The following CKAP2L variants were observed in gnomAD, a reference collection of about 807,000 sequenced individuals.
The protein encoded by CKAP2L is cytoskeleton-associated protein 2-like.
Under a neutral mutation model 65.7 loss-of-function variants are expected in CKAP2L, and 42 were observed. The ratio of observed to expected loss-of-function variants is 0.64; its 90% CI spans 0.50 to 0.83. The LOEUF (loss-of-function observed/expected upper bound fraction) is 0.83. Among genes scored for constraint, CKAP2L ranks in the 40% least tolerant of loss-of-function variants. The pLI, the probability that CKAP2L is intolerant of heterozygous loss-of-function variation, is 0.00. For missense variants in CKAP2L, 908 were observed against 871.0 expected (o/e 1.04, Z -0.53); for synonymous variants, 325 against 313.5 (o/e 1.04, Z -0.39).
Position 112,756,271 on chromosome 2 carries a change from C to T in CKAP2L, c.1100G>A (p.Cys367Tyr). ...SSQVCIPQTS[C>Y]VLQKSKAISQ... Reference sequence around the variant, plus strand: ...TATGGCTTTTGACTTTTGCAGTACACATGATGTCTGAGGTATACAAACTTG... The same window carrying T: ...TATGGCTTTTGACTTTTGCAGTACATATGATGTCTGAGGTATACAAACTTG... The change falls in exon 4 of 9, where the codon TGT (cysteine) becomes TAT (tyrosine). Residue 367 changes from cysteine to tyrosine, a missense_variant. By Grantham distance (194) the Cys-to-Tyr change is radical (BLOSUM62 -2). Transcript: ENST00000302450. 2 of 1,614,112 alleles carry T rather than the reference C, an allele frequency of 1.2e-6. No individual in the cohort carries two copies. The highest frequency in any genetic ancestry group is 2.2e-5 in the East Asian group (1 of 44,886).
chr2:112,761,384 C>G (rs1341568821), intron 2 of CKAP2L, among the ~76,000 whole-genome samples: 1 of 144,936 alleles, frequency 6.9e-6, no homozygotes, highest in Non-Finnish European at 1.5e-5. Flanking sequence ...TGGCGTGAAA[C>G]TGGGAGGCAG....
At chr2:112,763,385 G>A (rs1307985512) in intron 1 of CKAP2L, among the ~76,000 whole-genome samples, 1 of 151,994 alleles carries the variant, frequency 6.6e-6, no homozygotes. Flanking sequence ...GGCTTCCTTT[G>A]TTGGTACTAA....
At position 112,742,771 on chromosome 2, in the gene CKAP2L, T is replaced by TGGAA. The variant is rs745636964; in HGVS notation, c.1759-6_1759-3dup. ...AACTTTCCGCAACTCTTGTATTGGC[T>TGGAA]GGAAGGAAGGAAGAAAACATACAAA... On this transcript the variant is annotated splice_polypyrimidine_tract_variant and splice_region_variant and intron_variant, in intron 6 of 8. Coordinates refer to ENST00000302450, the MANE Select transcript of CKAP2L (RefSeq NM_152515.5). 1.7e-5 allele frequency: 28 copies of TGGAA among 1,603,188 alleles called. No individual in the cohort carries two copies. The highest frequency in any genetic ancestry group is 3.5e-5 in the Admixed American group (2 of 57,966).
chr2:112,737,539 T>G lies in CKAP2L; in HGVS notation c.*1284A>C, dbSNP rs1679381362. The G allele has an allele frequency of 6.6e-6, 1 of 152,224 alleles. No homozygotes were observed. 9.4% of individuals were successfully genotyped at this position (152,224 alleles called of 1,614,324 possible). On this transcript the variant is annotated 3_prime_UTR_variant, in exon 9 of 9. Coordinates refer to ENST00000302450, the MANE Select transcript of CKAP2L (RefSeq NM_152515.5). ...TTCTTATGTCTTCTTTGGAGAAATG[T>G]CTGCTCAGGTCCTTTGCCCATTTTT... is the stretch of plus-strand genomic sequence containing the variant.
At chr2:112,746,265 G>A (rs1680197413) in intron 6 of CKAP2L, among the ~76,000 whole-genome samples, 155 bp downstream of exon 6, 1 of 152,096 alleles carries the variant, frequency 6.6e-6, no homozygotes, top group Admixed American at 6.5e-5. Context: ...GACGTATTGG[G>A]TTTAATATAT....
chr2:112,750,312 G>A (rs1188436598), intron 5 of CKAP2L, among the ~76,000 whole-genome samples: 1 of 152,290 alleles, frequency 6.6e-6, no homozygotes, highest in Non-Finnish European at 1.5e-5. Flanking sequence ...GGCTTACCGC[G>A]TGCTTTCACA....
chr2:112,746,991 G>A lies in CKAP2L; in HGVS notation c.1603-416C>T, dbSNP rs547471205. ...TTTTTAGTAGAGATGGGGTTTCACCGTGTTAGCCAGGATGGTCTTGATCTC... is the reference window on the plus strand; with the variant it reads ...TTTTTAGTAGAGATGGGGTTTCACCATGTTAGCCAGGATGGTCTTGATCTC... On this transcript the variant is annotated intron_variant, in intron 5 of 8. Transcript: ENST00000302450. Among the ~76,000 whole-genome samples the A allele has an allele frequency of 2.0e-5, 3 of 152,022 alleles. No homozygotes were observed. The South Asian group carries it at 6.2e-4, about 32-fold the overall frequency.
intron 7 of CKAP2L, 69 bp from the exon 8 acceptor site, chr2:112,741,076 A>G: frequency 2.0e-6 from 2 of 998,310 alleles, no homozygotes; most frequent in Non-Finnish European, 3.1e-6. Flanking sequence ...AGTCAATAAC[A>G]TGAAAAATAC....
Position 112,756,636 on chromosome 2 carries a change from A to G in CKAP2L, c.735T>C (p.Phe245=), listed in dbSNP as rs1161939379. 1 of 1,610,664 alleles carries G rather than the reference A, an allele frequency of 6.2e-7. No individual in the cohort carries two copies. The highest frequency in any genetic ancestry group is 1.3e-5 in the African/African-American group (1 of 74,698). ...AVLKDRVNKQ[F]VGETQSRTFP... Reference sequence around the variant, plus strand: ...AAGTCCTGCTTTGTGTTTCTCCAACAAATTGTTTATTAACCCTATCTTTCA... The same window carrying G: ...AAGTCCTGCTTTGTGTTTCTCCAACGAATTGTTTATTAACCCTATCTTTCA... Residue 245 remains phenylalanine (F), a synonymous_variant, in exon 4 of 9, where the codon TTT becomes TTC. Transcript: ENST00000302450.
At chr2:112,746,229 C>T (rs937811051) in intron 6 of CKAP2L, among the ~76,000 whole-genome samples, 191 bp downstream of exon 6, 16 of 151,932 alleles carry the variant, frequency 1.1e-4, no homozygotes, top group Non-Finnish European at 1.8e-4. Flanking sequence ...CATGCAATGG[C>T]TCTGAATTAT....
At position 112,756,355 on chromosome 2, in the gene CKAP2L, A is replaced by G. The variant is rs772838057; in HGVS notation, c.1016T>C (p.Leu339Ser). ...TCTGTTGTTATATTCACCCTGAAGC[A>G]AACTGGGGTATGTTCTGGGTTTGGT... is the stretch of plus-strand genomic sequence containing the variant. ...KHTKPRTYPS[L>S]LQGEYNNRHP... Residue 339 changes from leucine (L) to serine (S), a missense_variant, in exon 4 of 9, where the codon TTG becomes TCG. Physicochemically the swap from Leu to Ser is moderately radical, Grantham distance 145. Coordinates refer to ENST00000302450, the MANE Select transcript of CKAP2L (RefSeq NM_152515.5). The G allele has an allele frequency of 5.6e-6, 9 of 1,613,554 alleles. No individual in the cohort carries two copies. The highest frequency in any genetic ancestry group is 1.6e-4 in the Middle Eastern group (1 of 6,082).
At chr2:112,753,526 CTTTTTTTTTTTTTTTTTT>C (rs59027525) in intron 4 of CKAP2L, among the ~76,000 whole-genome samples, 3 of 100,396 alleles carry the variant, frequency 3.0e-5, no homozygotes, top group Non-Finnish European at 5.8e-5. Context: ...AGTTTCTTTT[CTTTTTTTTTTTTTTTTTT>C]TTTGAGACAG....
At chr2:112,748,579 C>T in intron 5 of CKAP2L, among the ~76,000 whole-genome samples, 1 of 152,098 alleles carries the variant, frequency 6.6e-6, no homozygotes, top group East Asian at 1.9e-4. Context: ...AACTGCAGGC[C>T]AGGTGCAGTG....
Position 112,738,762 on chromosome 2 carries a change from A to G in CKAP2L, c.*61T>C. The G allele has an allele frequency of 8.6e-7, 1 of 1,158,180 alleles. No individual in the cohort carries two copies. The highest frequency in any genetic ancestry group is 1.3e-6 in the Non-Finnish European group (1 of 778,840). The allele number at this position is 1,158,180 out of a possible 1,614,324, so 71.7% of individuals were successfully genotyped here. On this transcript the variant is annotated 3_prime_UTR_variant, in exon 9 of 9. Coordinates refer to ENST00000302450, the MANE Select transcript of CKAP2L (RefSeq NM_152515.5). ...CTCTTTTTTTCCAGGTCACTTGGAC[A>G]AGAATATTTCTTGTCTTATGTTGGT...
intron 3 of CKAP2L, 134 bp from the exon 4 acceptor site, chr2:112,757,348 G>A: frequency 1.5e-5 from 7 of 453,600 alleles, no homozygotes; most frequent in South Asian, 2.9e-5. Context: ...TGAATCCTCA[G>A]AAAGTAAAGA....
chr2:112,763,735 C>G (rs573598370), intron 1 of CKAP2L: 70 of 152,282 alleles, frequency 4.6e-4, no homozygotes, highest in African/African-American at 1.7e-3. Context: ...CCCTGTTTTG[C>G]TCTCTGATGC....
intron 4 of CKAP2L, 142 bp from the exon 5 acceptor site, chr2:112,752,616 T>G (rs1022107569): frequency 1.2e-4 from 78 of 635,634 alleles, no homozygotes; most frequent in Non-Finnish European, 1.9e-4. Flanking sequence ...AAAAAACAAT[T>G]TACAAATGGG....
At chr2:112,760,681 G>A (rs1680691659) in intron 3 of CKAP2L, 32 bp downstream of exon 3, 2 of 1,044,780 alleles carry the variant, frequency 1.9e-6, no homozygotes, top group Non-Finnish European at 2.9e-6. Context: ...ACTTATGAAT[G>A]CATATTTTTA....
chr2:112,761,379 T>TGAAACTGGGAGGCAGAGCTTGCA (rs1274219133), intron 2 of CKAP2L, among the ~76,000 whole-genome samples: 1 of 138,488 alleles, frequency 7.2e-6, no homozygotes, highest in African/African-American at 2.8e-5. Flanking sequence ...GAAAATGGCG[T>TGAAACTGGGAGGCAGAGCTTGCA]GAAACTGGGA....
Sources: allele counts gnomAD v4.1 joint callset (sites outside exome capture counted in the v4.1 genomes callset), GRCh38; gene constraint gnomAD v4.1.1; transcripts MANE v1.5; gene names NCBI Gene and HGNC (gene_info 2026-07-23, HGNC 2026-07-21).